LMF1: variants seen among roughly 807,000 people sequenced by gnomAD.
LMF1 encodes the protein transmembrane protein 112.
Under a neutral mutation model 60.6 loss-of-function variants are expected in LMF1, and 68 were observed. The observed-to-expected ratio is 1.12, with a 90% confidence interval of 0.92 to 1.37. The LOEUF (loss-of-function observed/expected upper bound fraction) is 1.37, where lower values mean the gene tolerates loss of function less well. Among genes scored for constraint, LMF1 ranks in the 40% most tolerant of loss-of-function variants. LMF1 has a pLI of 0.00. For missense variants in LMF1, 948 were observed against 767.2 expected (o/e 1.24, Z -2.78); for synonymous variants, 418 against 324.7 (o/e 1.29, Z -3.09).
Position 877,137 on chromosome 16 carries a change from A to G in LMF1, c.897+2433T>C, listed in dbSNP as rs1333729832. 3.3e-5 allele frequency among the ~76,000 whole-genome samples: 5 copies of G among 152,284 alleles called. 1 individual carries two copies. Among genetic ancestry groups the G allele is most frequent in the African/African-American group, 1.2e-4 (5 of 41,566 alleles). ...CTCGAGCCCTGGAGTTCAAAACCAG[A>G]CTGGGCAACATAGCGAGACCCCCAG... On this transcript the variant is annotated intron_variant, in intron 6 of 10. Transcript: ENST00000262301.
intron 2 of LMF1, among the ~76,000 whole-genome samples, chr16:945,118 G>A (rs2072204266): frequency 6.8e-6 from 1 of 147,004 alleles, no homozygotes; most frequent in South Asian, 2.2e-4. Context: ...GGCTAAGGTG[G>A]GAGAATCGCT....
intron 4 of LMF1, among the ~76,000 whole-genome samples, chr16:893,857 C>A (rs1334427518): frequency 6.6e-6 from 1 of 152,120 alleles, no homozygotes; most frequent in Non-Finnish European, 1.5e-5. Flanking sequence ...GATTCACATC[C>A]AGCGTCTCTC....
chr16:962,178 C>G lies in LMF1; in HGVS notation c.194-7512G>C, dbSNP rs1243524769. 1.4e-5 allele frequency among the ~76,000 whole-genome samples: 1 copy of G among 69,340 alleles called. No homozygotes were observed. The allele number at this position is 69,340 out of a possible 152,430, so 45.5% of individuals were successfully genotyped here. ...GGATCACGACCCAGACACAGACTCA[C>G]GGTGACAGCACGGGATCACGACCCA... On this transcript the variant is annotated intron_variant, in intron 1 of 10. Transcript: ENST00000262301. The surrounding 1 kb of genome is among the most constrained non-coding windows in gnomAD (Gnocchi z 4.5).
intron 1 of LMF1, among the ~76,000 whole-genome samples, chr16:969,727 C>G (rs2096129100): frequency 6.6e-6 from 1 of 152,266 alleles, no homozygotes; most frequent in Admixed American, 6.5e-5. Context: ...GCCCCGCTGG[C>G]TGCATCTCGG....
rs1439916071 is a variant in LMF1 at position 871,281 on chromosome 16, G to C, written c.958C>G (p.Leu320Val). ...FLNWLTMVPS[L>V]ACFDDATLGF... ...AGGGTGGCGTCATCAAAGCAGGCCAGGCTGGGCACCATAGTCAGCCAGTTC... is the reference window on the plus strand; with the variant it reads ...AGGGTGGCGTCATCAAAGCAGGCCACGCTGGGCACCATAGTCAGCCAGTTC... The change falls in exon 7 of 11, where the codon CTG (leucine) becomes GTG (valine). Residue 320 changes from leucine (L) to valine (V), a missense_variant. By Grantham distance (32) the Leu-to-Val change is conservative (BLOSUM62 1). Coordinates refer to ENST00000262301, the MANE Select transcript of LMF1 (RefSeq NM_022773.4). 8 of 1,612,488 alleles carry C rather than the reference G, an allele frequency of 5.0e-6. No homozygotes were observed. In the African/African-American group the frequency reaches 5.3e-5, roughly 11 times the overall value.
rs201527419 is a variant in LMF1, at chr16:888,028, T to TG, written c.729+4978dup. ...CTGGGCCCCAGCGGTGAGTCGACTC[T>TG]GGGGGGCTCCGTGCCCGTCACGGGG... On this transcript the variant is annotated intron_variant, in intron 5 of 10. Transcript: ENST00000262301. 6.5e-3 allele frequency among the ~76,000 whole-genome samples: 991 copies of TG among 152,252 alleles called. 12 individuals are homozygous for TG. Among genetic ancestry groups the TG allele is most frequent in the African/African-American group, 0.022 (922 of 41,554 alleles).
intron 1 of LMF1, among the ~76,000 whole-genome samples, chr16:956,670 C>G (rs959785374): frequency 1.3e-5 from 2 of 150,580 alleles, no homozygotes; most frequent in African/African-American, 2.4e-5. Flanking sequence ...ATGGAAAAAC[C>G]CTGTCTCTAC....
chr16:981,278 C>T (rs1422966983), exon 1 of LMF1: 96 of 313,908 alleles, frequency 3.1e-4, no homozygotes, highest in Admixed American at 2.5e-3. Flanking sequence ...AGGCGCGAGA[C>T]GGGCTGTGTG....
At chr16:869,599 C>T (rs1163966683) in intron 9 of LMF1, 5 of 646,702 alleles carry the variant, frequency 7.7e-6, no homozygotes, top group Non-Finnish European at 1.4e-5. Flanking sequence ...TTGTATTGTT[C>T]GTAGATACAG....
upstream of LMF1, chr16:970,992 G>GCGCACTCCCGGAGGC: frequency 1.4e-6 from 2 of 1,472,488 alleles, no homozygotes; most frequent in East Asian, 2.7e-5. Flanking sequence ...TGCGGGGAGG[G>GCGCACTCCCGGAGGC]CGCACTCCCG....
intron 5 of LMF1, among the ~76,000 whole-genome samples, chr16:892,029 T>G (rs1303189068): frequency 6.6e-6 from 1 of 152,094 alleles, no homozygotes; most frequent in Non-Finnish European, 1.5e-5. Context: ...GCCTGAAGAA[T>G]AAAGTCAGGA....
chr16:949,218 C>CAG (rs1555471823), intron 2 of LMF1, among the ~76,000 whole-genome samples: 1 of 149,064 alleles, frequency 6.7e-6, no homozygotes, highest in Non-Finnish European at 1.5e-5. Context: ...ACGACAGAGT[C>CAG]AGCCAACAAC....
intron 4 of LMF1, chr16:905,234 C>T: frequency 6.3e-6 from 1 of 159,946 alleles, no homozygotes; most frequent in South Asian, 1.4e-4. Context: ...GCACCGCCCA[C>T]AGGATGCCTG....
At chr16:855,917 C>T (rs928919902) in intron 10 of LMF1, 10 of 455,864 alleles carry the variant, frequency 2.2e-5, no homozygotes, top group African/African-American at 1.4e-4. Context: ...CCTCTGGGTC[C>T]ACCCGGCTCC....
At chr16:958,046 G>A (rs28832034) in intron 1 of LMF1, among the ~76,000 whole-genome samples, 3,261 of 152,272 alleles carry the variant, frequency 0.021, 112 homozygotes, top group African/African-American at 0.071. Context: ...ATGTCCACAT[G>A]CAAAAAGATG....
intron 1 of LMF1, chr16:977,020 G>A (rs1164830968): frequency 6.6e-6 from 3 of 454,104 alleles, no homozygotes; most frequent in South Asian, 1.6e-5. Context: ...GGACCAGGAG[G>A]ACGTCTGGGC....
chr16:895,152 G>T (rs914482560), intron 4 of LMF1, among the ~76,000 whole-genome samples: 7 of 152,162 alleles, frequency 4.6e-5, no homozygotes, highest in Non-Finnish European at 8.8e-5. Flanking sequence ...ACGGCGGGGG[G>T]TGCGGCCTGA....
In LMF1 at chr16:854,536, A is replaced by G; in HGVS notation, c.1700T>C (p.Leu567Pro). The change falls in exon 11 of 11, where the codon CTC (leucine) becomes CCC (proline). Residue 567 changes from leucine to proline, a missense_variant. Transcript: ENST00000262301. ...RDRGWPLPGP[L>P] ...GCCTTTATTTCTGGTGCACGTCTAG[A>G]GGGGCCCGGGCAGAGGCCACCCACG... The G allele has an allele frequency of 1.2e-6, 2 of 1,607,024 alleles. No homozygotes were observed. The highest frequency in any genetic ancestry group is 1.7e-5 in the Admixed American group (1 of 59,470).
intron 4 of LMF1, among the ~76,000 whole-genome samples, chr16:907,885 A>G (rs4984969): frequency 0.29 from 44,171 of 152,180 alleles, 8,380 homozygotes; most frequent in African/African-American, 0.52. Flanking sequence ...GGCACTAGCA[A>G]TCAATCAAAA....
Sources: gnomAD v4.1 joint callset for allele counts (sites outside exome capture counted in the v4.1 genomes callset) on GRCh38, gnomAD v4.1.1 for gene constraint, Gnocchi (gnomAD v3.1) non-coding constraint, MANE v1.5 for transcripts, NCBI Gene and HGNC (gene_info 2026-07-23, HGNC 2026-07-21) for gene names.